HGF: variants seen among roughly 807,000 people sequenced by gnomAD.
HGF encodes hepatocyte growth factor.
In HGF, 39 loss-of-function variants were observed where a neutral mutation model predicts 111.6. The ratio of observed to expected loss-of-function variants is 0.35; its 90% CI spans 0.27 to 0.46. HGF has a LOEUF of 0.46. Among genes scored for constraint, HGF ranks in the 20% least tolerant of loss-of-function variants. The pLI, the probability that HGF is intolerant of heterozygous loss-of-function variation, is 1.00. For missense variants in HGF, 735 were observed against 910.5 expected, an observed-to-expected ratio of 0.81 and a Z score of 2.48; for synonymous variants, 285 against 294.8, an observed-to-expected ratio of 0.97 and a Z score of 0.34.
chr7:81,737,965 T>C (rs529858820), intron 7 of HGF, among the ~76,000 whole-genome samples: 1 of 152,218 alleles, frequency 6.6e-6, no homozygotes, highest in Admixed American at 6.6e-5. Flanking sequence ...AGGCACCTGT[T>C]GGAGTTTACT....
At chr7:81,717,987 A>G (rs1789758546) in intron 10 of HGF, among the ~76,000 whole-genome samples, 1 of 152,166 alleles carries the variant, frequency 6.6e-6, no homozygotes, top group South Asian at 2.1e-4. Context: ...AATTTACTGT[A>G]AATTATTTTA....
intron 5 of HGF, among the ~76,000 whole-genome samples, chr7:81,749,828 G>A (rs2116090860): frequency 6.6e-6 from 1 of 151,876 alleles, no homozygotes; most frequent in African/African-American, 2.4e-5. Context: ...CAAATTTCAG[G>A]TGATTATATA....
intron 17 of HGF, among the ~76,000 whole-genome samples, chr7:81,704,304 G>A (rs932748595): frequency 2.4e-4 from 36 of 151,630 alleles, no homozygotes; most frequent in African/African-American, 8.5e-4. Context: ...ATTGGTTTTG[G>A]TAATGACAAT....
At chr7:81,705,351 A>G (rs375394415) in intron 17 of HGF, 39 bp downstream of exon 17, 60 of 1,584,620 alleles carry the variant, frequency 3.8e-5, no homozygotes, top group African/African-American at 3.1e-4. Context: ...ACACTAAGCT[A>G]TGAATCACAT....
intron 11 of HGF, among the ~76,000 whole-genome samples, chr7:81,716,478 C>A (rs1268026925): frequency 6.6e-6 from 1 of 152,024 alleles, no homozygotes; most frequent in Non-Finnish European, 1.5e-5. Context: ...GTAGAAGTGA[C>A]TTCTCATGTC....
intron 7 of HGF, among the ~76,000 whole-genome samples, chr7:81,730,240 G>C (rs539202854): frequency 1.3e-5 from 2 of 152,244 alleles, no homozygotes; most frequent in East Asian, 3.9e-4. Context: ...CCTGAGGTCA[G>C]GAGTTTAAGA....
chr7:81,701,217 G>T lies in HGF; in HGVS notation c.*1364C>A, dbSNP rs1347886613. On this transcript the variant is annotated 3_prime_UTR_variant, in exon 18 of 18. Coordinates refer to ENST00000222390, the MANE Select transcript of HGF (RefSeq NM_000601.6). ...GCATTAGGAGTGAACTTTGTAAAAT[G>T]AAATAAGAAAAAATAAACATATCTT... 1 of 150,830 alleles carries T rather than the reference G, an allele frequency of 6.6e-6. No homozygotes were observed. Among genetic ancestry groups the T allele is most frequent in the African/African-American group, 2.4e-5 (1 of 41,192 alleles). The allele number at this position is 150,830 out of a possible 1,614,324, so 9.3% of individuals were successfully genotyped here.
chr7:81,743,451 T>C lies in HGF; in HGVS notation c.767A>G (p.Asp256Gly), dbSNP rs2116025085. The C allele has an allele frequency of 6.2e-7, 1 of 1,612,622 alleles. No individual in the cohort carries two copies. Among genetic ancestry groups the C allele is most frequent in the Non-Finnish European group, 8.5e-7 (1 of 1,178,722 alleles). ...LPERYPDKGFDDNYCRNPDGQ... is the reference protein window; with the variant it reads ...LPERYPDKGFGDNYCRNPDGQ... ...ATCGGGATTGCGGCAATAATTATCA[T>C]CAAAGCCCTTGTCGGGATATCTGCA... The change falls in exon 7 of 18, where the codon GAT becomes GGT. Residue 256 changes from aspartate to glycine, a missense_variant. Physicochemically the swap from Asp to Gly is moderately conservative, Grantham distance 94 (BLOSUM62 -1). This residue lies in a region of HGF where 553 missense variants were observed against 685.6 expected (regional missense o/e 0.81). Transcript: ENST00000222390.
intron 5 of HGF, among the ~76,000 whole-genome samples, chr7:81,749,183 G>A (rs1484564089): frequency 6.6e-6 from 1 of 151,952 alleles, no homozygotes; most frequent in Non-Finnish European, 1.5e-5. Flanking sequence ...ACAGAGTATC[G>A]AATTATACAC....
chr7:81,757,086 T>C (rs956124183), intron 4 of HGF, 103 bp downstream of exon 4: 16 of 738,802 alleles, frequency 2.2e-5, no homozygotes, highest in Non-Finnish European at 4.0e-5. Flanking sequence ...GCAAGTTGGC[T>C]AAGTTATTTT....
chr7:81,747,364 G>T (rs1583982804), intron 5 of HGF, among the ~76,000 whole-genome samples: 1 of 151,948 alleles, frequency 6.6e-6, no homozygotes, highest in South Asian at 2.1e-4. Flanking sequence ...GAAGTTCTAA[G>T]TATTTGGCCG....
At chr7:81,744,941 A>T in intron 6 of HGF, 59 bp downstream of exon 6, 3 of 1,558,890 alleles carry the variant, frequency 1.9e-6, no homozygotes, top group South Asian at 2.2e-5. Context: ...GCAGTGTGTC[A>T]TAGAGTGAAT....
intron 5 of HGF, among the ~76,000 whole-genome samples, chr7:81,746,220 A>G (rs2116057026): frequency 6.6e-6 from 1 of 152,332 alleles, no homozygotes; most frequent in African/African-American, 2.4e-5. Context: ...AACATGCAAC[A>G]ACTTGGCTTG....
At chr7:81,758,962 A>G (rs544114905) in intron 2 of HGF, among the ~76,000 whole-genome samples, 158 bp from the exon 3 acceptor site, 1 of 152,300 alleles carries the variant, frequency 6.6e-6, no homozygotes. Context: ...ATTTGAACCT[A>G]CCATTTTGAT....
intron 7 of HGF, among the ~76,000 whole-genome samples, chr7:81,741,127 A>G (rs1208224983): frequency 2.0e-5 from 3 of 152,216 alleles, no homozygotes; most frequent in Non-Finnish European, 4.4e-5. Flanking sequence ...CCACTTTAAT[A>G]GAAGTATCGT....
At chr7:81,739,560 G>A (rs543340009) in intron 7 of HGF, among the ~76,000 whole-genome samples, 629 of 47,268 alleles carry the variant, frequency 0.013, no homozygotes, top group Admixed American at 0.019. Context: ...GTGTCCCCAG[G>A]GTTTTTAAAC....
At chr7:81,707,194 T>C in intron 14 of HGF, 96 bp downstream of exon 14, 1 of 737,450 alleles carries the variant, frequency 1.4e-6, no homozygotes, top group Non-Finnish European at 2.4e-6. Context: ...TTTGTGAATC[T>C]CTGTAAAATG....
At chr7:81,745,258 G>A in intron 5 of HGF, 138 bp from the exon 6 acceptor site, 1 of 821,790 alleles carries the variant, frequency 1.2e-6, no homozygotes, top group Non-Finnish European at 2.0e-6. Context: ...TTTTTATTAG[G>A]GCCTAATGTC....
rs2116023778 is a variant in HGF at position 81,743,422 on chromosome 7, G to T, written c.796C>A (p.Gln266Lys). The change falls in exon 7 of 18, where the codon CAG (glutamine) becomes AAG (lysine). Residue 266 changes from glutamine (Q) to lysine (K), a missense_variant. Gln to Lys is a moderately conservative substitution (Grantham distance 53). This residue lies in a region of HGF where 553 missense variants were observed against 685.6 expected (regional missense o/e 0.81). Transcript: ENST00000222390. ...DDNYCRNPDG[Q>K]PRPWCYTLDP... The stretch of plus-strand genomic sequence containing the variant: ...AGAGTATAGCACCATGGCCTCGGCT[G>T]GCCATCGGGATTGCGGCAATAATTA... 1 of 1,613,790 alleles carries T rather than the reference G, an allele frequency of 6.2e-7. No homozygotes were observed. The highest frequency in any genetic ancestry group is 8.5e-7 in the Non-Finnish European group (1 of 1,179,760).
Sources: allele counts gnomAD v4.1 joint callset (sites outside exome capture counted in the v4.1 genomes callset), GRCh38; gene constraint gnomAD v4.1.1; regional missense constraint gnomAD v4.1.1; transcripts MANE v1.5; gene names NCBI Gene and HGNC (gene_info 2026-07-23, HGNC 2026-07-21).